UBASH3B: variants seen among roughly 807,000 people sequenced by gnomAD.
UBASH3B encodes the protein ubiquitin-associated and SH3 domain-containing protein B.
UBASH3B carries 37 observed loss-of-function variants against 83.4 expected under a neutral mutation model. That is an observed-to-expected ratio of 0.44 (90% CI 0.34 to 0.58). UBASH3B has a LOEUF of 0.58. Ranked by LOEUF, UBASH3B falls within the 20% of genes least tolerant of loss-of-function variation. The pLI is 0.01. For synonymous variants in UBASH3B, 304 were observed against 318.3 expected, an observed-to-expected ratio of 0.96 and a Z score of 0.48; for missense variants, 657 against 827.2, an observed-to-expected ratio of 0.79 and a Z score of 2.52.
intron 1 of UBASH3B, among the ~76,000 whole-genome samples, chr11:122,685,891 A>G (rs1228009269): frequency 6.6e-6 from 1 of 152,180 alleles, no homozygotes; most frequent in Admixed American, 6.5e-5. Context: ...CTCGAGCTTC[A>G]TAGCAGCCCT....
chr11:122,703,345 T>C (rs929715459), intron 1 of UBASH3B, among the ~76,000 whole-genome samples: 2 of 151,860 alleles, frequency 1.3e-5, no homozygotes, highest in African/African-American at 2.4e-5. Context: ...GAGAATCGCT[T>C]GAACCCAGGA....
intron 1 of UBASH3B, among the ~76,000 whole-genome samples, chr11:122,736,317 A>G (rs1056533926): frequency 2.6e-5 from 4 of 151,824 alleles, no homozygotes; most frequent in Admixed American, 1.3e-4. Flanking sequence ...GTTTTTTCGG[A>G]CACAACCTCA....
At chr11:122,750,279 T>G (rs1020104178) in intron 1 of UBASH3B, among the ~76,000 whole-genome samples, 2 of 152,146 alleles carry the variant, frequency 1.3e-5, no homozygotes, top group Non-Finnish European at 2.9e-5. Context: ...CCCACCTTTC[T>G]TCTTTACTTC....
At chr11:122,663,882 G>A (rs914378829) in intron 1 of UBASH3B, among the ~76,000 whole-genome samples, 1 of 152,216 alleles carries the variant, frequency 6.6e-6, no homozygotes, top group Non-Finnish European at 1.5e-5. Context: ...GACAATAACA[G>A]CACTTGTCTT....
chr11:122,695,342 C>T (rs1425937005), intron 1 of UBASH3B, among the ~76,000 whole-genome samples: 1 of 152,158 alleles, frequency 6.6e-6, no homozygotes, highest in African/African-American at 2.4e-5. Flanking sequence ...GCATGGATGC[C>T]TGGAAGGAGC....
intron 1 of UBASH3B, among the ~76,000 whole-genome samples, chr11:122,702,587 C>T (rs564194720): frequency 9.2e-5 from 14 of 151,484 alleles, no homozygotes; most frequent in African/African-American, 3.1e-4. Context: ...TGCAATGGTG[C>T]GATCTCAGCT....
Position 122,806,380 on chromosome 11 carries a change from T to G in UBASH3B, c.1596-30T>G. The G allele has an allele frequency of 6.4e-7, 1 of 1,561,488 alleles. No homozygotes were observed. The highest frequency in any genetic ancestry group is 8.7e-7 in the Non-Finnish European group (1 of 1,151,968). ...CCTTTGTCTCAAGATCAAAATGTTT[T>G]CATTTCCTTTGTTCATTTTTCTATT... On this transcript the variant is annotated intron_variant, in intron 11 of 13. Transcript: ENST00000284273. The surrounding 1 kb of genome is among the most constrained non-coding windows in gnomAD (Gnocchi z 4.0).
intron 1 of UBASH3B, among the ~76,000 whole-genome samples, chr11:122,762,344 A>C (rs1222977191): frequency 6.6e-6 from 1 of 152,090 alleles, no homozygotes; most frequent in Non-Finnish European, 1.5e-5. Flanking sequence ...CTGGGGAGTA[A>C]AGGCTTCAGG....
intron 5 of UBASH3B, among the ~76,000 whole-genome samples, chr11:122,785,224 T>C (rs1483475041): frequency 1.3e-5 from 2 of 152,240 alleles, no homozygotes; most frequent in African/African-American, 4.8e-5. Context: ...CTTTTATCTC[T>C]TATTTGTAAA....
At chr11:122,798,839 G>C (rs1234270557) in intron 9 of UBASH3B, 103 bp from the exon 10 acceptor site, 1 of 792,114 alleles carries the variant, frequency 1.3e-6, no homozygotes, top group East Asian at 2.6e-5. Context: ...AGTTAGGAAA[G>C]AGGGGTTTAC....
At chr11:122,716,135 G>A (rs1366525370) in intron 1 of UBASH3B, among the ~76,000 whole-genome samples, 1 of 152,204 alleles carries the variant, frequency 6.6e-6, no homozygotes, top group South Asian at 2.1e-4. Context: ...GCAGCAAGCT[G>A]GGGCTGGTGA....
chr11:122,659,799 G>T (rs1277529165), intron 1 of UBASH3B, among the ~76,000 whole-genome samples: 1 of 152,158 alleles, frequency 6.6e-6, no homozygotes, highest in East Asian at 1.9e-4. Context: ...GACAGCTCTA[G>T]GCCCTTTTGA....
rs146073316 is a variant in UBASH3B, at chr11:122,686,286, G to A, written c.161+30076G>A. On this transcript the variant is annotated intron_variant, in intron 1 of 13. Coordinates refer to ENST00000284273, the MANE Select transcript of UBASH3B (RefSeq NM_032873.5). The stretch of plus-strand genomic sequence containing the variant: ...TTTCTCCTATGAGCTGAGTCATGTC[G>A]AGGAAGAGACAAATGGCTACCAAGG... Among the ~76,000 whole-genome samples, 711 of 152,278 alleles carry A rather than the reference G, an allele frequency of 4.7e-3. 8 individuals are homozygous for A. Among genetic ancestry groups the A allele is most frequent in the Non-Finnish European group, 7.7e-3 (524 of 68,028 alleles).
chr11:122,674,654 TA>T (rs1340399435), intron 1 of UBASH3B, among the ~76,000 whole-genome samples: 3 of 151,732 alleles, frequency 2.0e-5, no homozygotes, highest in Non-Finnish European at 4.4e-5. Context: ...GTACTGGGAT[TA>T]TAGGCATGAG....
intron 1 of UBASH3B, among the ~76,000 whole-genome samples, chr11:122,711,568 G>A (rs1014100132): frequency 6.6e-6 from 1 of 152,234 alleles, no homozygotes; most frequent in East Asian, 1.9e-4. Context: ...CCGGGAGTGC[G>A]TGTATGCCTC....
At position 122,759,692 on chromosome 11, in the gene UBASH3B, A is replaced by C. The variant is rs1285953011; in HGVS notation, c.162-16527A>C. Among the ~76,000 whole-genome samples the C allele has an allele frequency of 1.3e-5, 2 of 152,132 alleles. No homozygotes were observed. The highest frequency in any genetic ancestry group is 6.5e-5 in the Admixed American group (1 of 15,276). On this transcript the variant is annotated intron_variant, in intron 1 of 13. Coordinates refer to ENST00000284273, the MANE Select transcript of UBASH3B (RefSeq NM_032873.5). This position sits in a 1 kb window ranked among gnomAD's most constrained non-coding sequence, Gnocchi z 4.1. ...TAGATCCCTTGCACGTGCAGTTCAC[A>C]GTAGGGTTTGTGCTCCTGTGAGAAT...
At chr11:122,714,323 C>T (rs1005143962) in intron 1 of UBASH3B, among the ~76,000 whole-genome samples, 1 of 152,226 alleles carries the variant, frequency 6.6e-6, no homozygotes, top group East Asian at 1.9e-4. Context: ...TTGGGGAGCT[C>T]ACTACCTTAC....
intron 1 of UBASH3B, among the ~76,000 whole-genome samples, chr11:122,665,403 G>A (rs2135894247): frequency 6.6e-6 from 1 of 151,946 alleles, no homozygotes; most frequent in South Asian, 2.1e-4. Context: ...ACATTGCCCA[G>A]GCTTGTCTCA....
chr11:122,684,841 A>G (rs978501128), intron 1 of UBASH3B, among the ~76,000 whole-genome samples: 3 of 152,102 alleles, frequency 2.0e-5, no homozygotes, highest in African/African-American at 7.2e-5. Context: ...CAGGTGATCC[A>G]CCCGCCTTGG....
Sources: gnomAD v4.1 joint callset for allele counts (sites outside exome capture counted in the v4.1 genomes callset) on GRCh38, gnomAD v4.1.1 for gene constraint, Gnocchi (gnomAD v3.1) non-coding constraint, MANE v1.5 for transcripts, NCBI Gene and HGNC (gene_info 2026-07-23, HGNC 2026-07-21) for gene names.